ETV3L: variants seen among roughly 807,000 people sequenced by gnomAD.
ETV3L encodes ETS variant transcription factor 3 like.
A neutral mutation model predicts 27.6 loss-of-function variants in ETV3L; 30 were observed. The ratio of observed to expected loss-of-function variants is 1.09; its 90% CI spans 0.81 to 1.48. The LOEUF (loss-of-function observed/expected upper bound fraction) is 1.48. ETV3L is among the 40% of genes most tolerant of loss of function. ETV3L has a pLI of 0.00. For missense variants in ETV3L, 443 were observed against 455.6 expected (o/e 0.97, Z 0.25); for synonymous variants, 186 against 188.9 (o/e 0.98, Z 0.12).
At position 157,097,890 on chromosome 1, in the gene ETV3L, C is replaced by T. The variant is rs763762019; in HGVS notation, c.585G>A (p.Lys195=). The T allele has an allele frequency of 2.5e-6, 4 of 1,613,258 alleles. No individual in the cohort carries two copies. The highest frequency in any genetic ancestry group is 2.2e-5 in the South Asian group (2 of 91,042). The stretch of plus-strand genomic sequence containing the variant: ...CACGGTAGACGCTGCTGCTGCTCCC[C>T]TTCTTATCCCCAGAGGTCTCTGGTG... ...RGPPETSGDK[K]GSSSSVYRLG... is the part of the protein sequence containing the mutation. Residue 195 remains lysine, a synonymous_variant, in exon 4 of 5, where the codon AAG becomes AAA. Coordinates refer to ENST00000454449, the MANE Select transcript of ETV3L (RefSeq NM_001004341.2).
intron 4 of ETV3L, among the ~76,000 whole-genome samples, chr1:157,096,989 C>G (rs112129120): frequency 7.2e-5 from 11 of 152,020 alleles, no homozygotes; most frequent in African/African-American, 2.7e-4. Flanking sequence ...TCCCTCCTGC[C>G]CACAGGAGAA....
At chr1:157,099,003 G>A (rs566470571) in intron 2 of ETV3L, 108 bp from the exon 3 acceptor site, 31 of 1,485,496 alleles carry the variant, frequency 2.1e-5, no homozygotes, top group Middle Eastern at 3.6e-4. Flanking sequence ...GCTGTTCCCC[G>A]AGAACCACTA....
chr1:157,097,238 T>G (rs190074594), intron 4 of ETV3L, among the ~76,000 whole-genome samples: 1 of 151,912 alleles, frequency 6.6e-6, no homozygotes, highest in Non-Finnish European at 1.5e-5. Context: ...TTTGGGAGGC[T>G]GAGGCGGGTG....
intron 4 of ETV3L, among the ~76,000 whole-genome samples, chr1:157,096,047 C>G (rs2103182978): frequency 6.6e-6 from 1 of 152,314 alleles, no homozygotes; most frequent in African/African-American, 2.4e-5. Context: ...CTGCACTGGC[C>G]TTCTCCCAGT....
At chr1:157,098,634 G>T in intron 3 of ETV3L, 72 bp downstream of exon 3, 2 of 1,394,096 alleles carry the variant, frequency 1.4e-6, no homozygotes, top group Non-Finnish European at 9.6e-7. Flanking sequence ...GCAAAGAGGA[G>T]GGTGGGGAGC....
At chr1:157,098,211 C>T (rs1343983438) in intron 3 of ETV3L, among the ~76,000 whole-genome samples, 1 of 152,136 alleles carries the variant, frequency 6.6e-6, no homozygotes, top group Non-Finnish European at 1.5e-5. Flanking sequence ...ATTCTCCTGC[C>T]TCAGCCTCCC....
At chr1:157,098,972 C>T (rs1477334726) in intron 2 of ETV3L, 77 bp from the exon 3 acceptor site, 39 of 1,509,490 alleles carry the variant, frequency 2.6e-5, no homozygotes, top group Middle Eastern at 1.7e-4. Flanking sequence ...ACATTCTCCT[C>T]CCTAGCCGGG....
At chr1:157,095,138 G>A (rs909985725) in intron 4 of ETV3L, among the ~76,000 whole-genome samples, 3 of 152,026 alleles carry the variant, frequency 2.0e-5, no homozygotes, top group Non-Finnish European at 4.4e-5. Context: ...GCTGTTGCAC[G>A]GGAAGGCTGT....
In ETV3L at chr1:157,092,587, G is replaced by T; in HGVS notation, c.*62C>A. The T allele has an allele frequency of 7.1e-7, 1 of 1,408,432 alleles. No homozygotes were observed. The highest frequency in any genetic ancestry group is 9.7e-7 in the Non-Finnish European group (1 of 1,028,758). 87.2% of individuals were successfully genotyped at this position (1,408,432 alleles called of 1,614,324 possible). ...AGGGGAAGGGGCTAACCCAGAGGCG[G>T]TGGGCAAGAGGAGAGATGGACTTTG... On this transcript the variant is annotated 3_prime_UTR_variant, in exon 5 of 5. Coordinates refer to ENST00000454449, the MANE Select transcript of ETV3L (RefSeq NM_001004341.2).
chr1:157,097,952 C>T lies in ETV3L; in HGVS notation c.523G>A (p.Val175Met), dbSNP rs1558020990. Residue 175 changes from valine to methionine, a missense_variant, in exon 4 of 5, where the codon GTG becomes ATG. By Grantham distance (21) the Val-to-Met change is conservative. Transcript: ENST00000454449. ...GTCTGCTGTCCTGTCAGCTGCTCCA[C>T]CATGGCCTGATGGGCAAATAGCATG... ...HSMLFAHQAMVEQLTGQQTPR... is the reference protein window; with the variant it reads ...HSMLFAHQAMMEQLTGQQTPR... The T allele has an allele frequency of 6.2e-7, 1 of 1,613,262 alleles. No individual in the cohort carries two copies. Among genetic ancestry groups the T allele is most frequent in the Non-Finnish European group, 8.5e-7 (1 of 1,179,654 alleles).
intron 4 of ETV3L, 44 bp from the exon 5 acceptor site, chr1:157,093,171 C>T (rs767284509): frequency 9.8e-6 from 13 of 1,330,514 alleles, no homozygotes; most frequent in South Asian, 3.4e-5. Flanking sequence ...CCCAACCTCT[C>T]GCAGATGCTC....
Position 157,092,213 on chromosome 1 carries a change from A to G in ETV3L, c.*436T>C. 1 of 159,854 alleles carries G rather than the reference A, an allele frequency of 6.3e-6. No homozygotes were observed. The highest frequency in any genetic ancestry group is 1.4e-5 in the Non-Finnish European group (1 of 72,596). The allele number at this position is 159,854 out of a possible 1,614,324, so 9.9% of individuals were successfully genotyped here. A position where few individuals can be genotyped will look rare whatever the true frequency, so the allele number is the denominator to read the frequency against. ...TCAGAAATCAGAGGGATGGGAGAGA[A>G]GTTGCATGGAGGGGTGAGAAAGGGA... is the stretch of plus-strand genomic sequence containing the variant. On this transcript the variant is annotated 3_prime_UTR_variant, in exon 5 of 5. Coordinates refer to ENST00000454449, the MANE Select transcript of ETV3L (RefSeq NM_001004341.2).
chr1:157,093,924 G>A (rs779841530), intron 4 of ETV3L, among the ~76,000 whole-genome samples: 8 of 152,154 alleles, frequency 5.3e-5, no homozygotes, highest in African/African-American at 1.7e-4. Flanking sequence ...AAGGGCACTC[G>A]GCTGAGTTAG....
chr1:157,094,392 G>C (rs1305832863), intron 4 of ETV3L, among the ~76,000 whole-genome samples: 1 of 152,192 alleles, frequency 6.6e-6, no homozygotes, highest in African/African-American at 2.4e-5. Context: ...CCTTCTTCCT[G>C]CTCCTTCTAA....
At position 157,099,317 on chromosome 1, in the gene ETV3L, C is replaced by A. The variant is rs1236881845; in HGVS notation, c.120G>T (p.Gln40His). The change falls in exon 2 of 5, where the codon CAG becomes CAT. Residue 40 changes from glutamine to histidine, a missense_variant. Physicochemically the swap from Gln to His is conservative, Grantham distance 24 (BLOSUM62 0). Coordinates refer to ENST00000454449, the MANE Select transcript of ETV3L (RefSeq NM_001004341.2). ...AESSPGSRQI[Q>H]LWHFILELLQ... ...GCAGCTCCAGGATGAAGTGCCACAG[C>A]TGGATCTGCCGGGAGCCTGGGGACG... The A allele has an allele frequency of 1.9e-6, 3 of 1,614,210 alleles. No individual in the cohort carries two copies. Among genetic ancestry groups the A allele is most frequent in the Non-Finnish European group, 2.5e-6 (3 of 1,180,040 alleles).
At position 157,092,734 on chromosome 1, in the gene ETV3L, G is replaced by T. The variant is rs757916508; in HGVS notation, c.1001C>A (p.Thr334Asn). 2 of 1,614,164 alleles carry T rather than the reference G, an allele frequency of 1.2e-6. No individual in the cohort carries two copies. The highest frequency in any genetic ancestry group is 4.5e-5 in the East Asian group (2 of 44,870). ...TTCCTCCCCAGTTTTGAGTCTGCGG[G>T]TCTCTGGGCAGAAGACCTCCCTGGG... is the stretch of plus-strand genomic sequence containing the variant. ...LDPREVFCPE[T>N]RRLKTGEESL... Residue 334 changes from threonine (T) to asparagine (N), a missense_variant, in exon 5 of 5, where the codon ACC (threonine) becomes AAC (asparagine). Transcript: ENST00000454449.
chr1:157,092,775 T>C lies in ETV3L; in HGVS notation c.960A>G (p.Ala320=). ...LEVKPAPMME[A]KGGLDPREVF... ...CCTCCCTGGGATCCAGGCCTCCCTT[T>C]GCCTCCATCATGGGAGCAGGCTTTA... Residue 320 remains alanine, a synonymous_variant, in exon 5 of 5, where the codon GCA becomes GCG. Coordinates refer to ENST00000454449, the MANE Select transcript of ETV3L (RefSeq NM_001004341.2). 2 of 1,614,170 alleles carry C rather than the reference T, an allele frequency of 1.2e-6. No homozygotes were observed. Among genetic ancestry groups the C allele is most frequent in the Non-Finnish European group, 1.7e-6 (2 of 1,180,010 alleles).
In ETV3L at chr1:157,092,736, C is replaced by A. The variant is rs1467351670; in HGVS notation, c.999G>T (p.Glu333Asp). The A allele has an allele frequency of 6.2e-7, 1 of 1,614,054 alleles. No individual in the cohort carries two copies. The highest frequency in any genetic ancestry group is 1.3e-5 in the African/African-American group (1 of 74,932). ...CCTCCCCAGTTTTGAGTCTGCGGGT[C>A]TCTGGGCAGAAGACCTCCCTGGGAT... ...GLDPREVFCP[E>D]TRRLKTGEES... Residue 333 changes from glutamate (E) to aspartate (D), a missense_variant, in exon 5 of 5, where the codon GAG (glutamate) becomes GAT (aspartate). Transcript: ENST00000454449.
At chr1:157,096,884 A>G (rs563143924) in intron 4 of ETV3L, among the ~76,000 whole-genome samples, 40 of 152,214 alleles carry the variant, frequency 2.6e-4, no homozygotes, top group African/African-American at 9.1e-4. Context: ...GTGCCATTGC[A>G]CTCCAGCCTG....
Sources: gnomAD v4.1 joint callset for allele counts (sites outside exome capture counted in the v4.1 genomes callset) on GRCh38, gnomAD v4.1.1 for gene constraint, MANE v1.5 for transcripts, NCBI Gene and HGNC (gene_info 2026-07-23, HGNC 2026-07-21) for gene names.